TRIB2: variants seen among roughly 807,000 people sequenced by gnomAD.
TRIB2 encodes the protein tribbles homolog 2.
In TRIB2, 2 loss-of-function variants were observed where a neutral mutation model predicts 26.8. The observed-to-expected ratio is 0.07, with a 90% confidence interval of 0.03 to 0.24. The LOEUF (loss-of-function observed/expected upper bound fraction) is 0.24. Among genes scored for constraint, TRIB2 ranks in the 10% least tolerant of loss-of-function variants. The probability of loss-of-function intolerance (pLI) is 1.00; values close to 1 mark genes in which losing one functional copy is unlikely to be tolerated. For missense variants in TRIB2, 306 were observed against 449.0 expected, an observed-to-expected ratio of 0.68 and a Z score of 2.88; for synonymous variants, 189 against 187.3, an observed-to-expected ratio of 1.01 and a Z score of -0.08.
chr2:12,731,846 C>T (rs1168568048), intron 2 of TRIB2, among the ~76,000 whole-genome samples: 5 of 152,090 alleles, frequency 3.3e-5, no homozygotes, highest in Admixed American at 6.5e-5. Context: ...TTCTGGACCC[C>T]GAAGCACTCC....
rs999260642 is a variant in TRIB2, at chr2:12,732,215, A to G, written c.564-8111A>G. 6.6e-6 allele frequency among the ~76,000 whole-genome samples: 1 copy of G among 152,134 alleles called. No individual in the cohort carries two copies. The highest frequency in any genetic ancestry group is 1.9e-4 in the East Asian group (1 of 5,186). ...CAGGCACCATGGATGGGAGTCGGGC[A>G]GGAATGTGCACCTGCATGCGGACAG... On this transcript the variant is annotated intron_variant, in intron 2 of 2. Transcript: ENST00000155926. The surrounding 1 kb of genome is among the most constrained non-coding windows in gnomAD (Gnocchi z 4.2).
At position 12,723,244 on chromosome 2, in the gene TRIB2, G is replaced by A; in HGVS notation, c.271-16G>A. ...AGGCACCTCTGACTTTGGTCTTACT[G>A]TTAATCCTGTCGTAGGTGTTTGATA... On this transcript the variant is annotated splice_polypyrimidine_tract_variant and intron_variant, in intron 1 of 2. Coordinates refer to ENST00000155926, the MANE Select transcript of TRIB2 (RefSeq NM_021643.4). 2.5e-6 allele frequency: 4 copies of A among 1,606,162 alleles called. No homozygotes were observed. The highest frequency in any genetic ancestry group is 1.7e-4 in the Middle Eastern group (1 of 6,032).
intron 2 of TRIB2, among the ~76,000 whole-genome samples, chr2:12,724,390 A>G (rs1304173655): frequency 6.6e-6 from 1 of 152,218 alleles, no homozygotes; most frequent in African/African-American, 2.4e-5. Flanking sequence ...TTTTGATTAC[A>G]AGAACTCCTT....
intron 2 of TRIB2, among the ~76,000 whole-genome samples, chr2:12,737,642 T>G (rs983347587): frequency 7.9e-5 from 12 of 152,254 alleles, no homozygotes; most frequent in Non-Finnish European, 1.8e-4. Flanking sequence ...CAGAAGACTA[T>G]GTATTCTATA....
rs1396538173 is a variant in TRIB2 at position 12,717,075 on chromosome 2, G to A, written c.-1233G>A. 2 of 252,776 alleles carry A rather than the reference G, an allele frequency of 7.9e-6. No homozygotes were observed. The highest frequency in any genetic ancestry group is 7.1e-5 in the East Asian group (1 of 14,088). 15.7% of individuals were successfully genotyped at this position (252,776 alleles called of 1,614,324 possible). A position where few individuals can be genotyped will look rare whatever the true frequency, so the allele number is the denominator to read the frequency against. On this transcript the variant is annotated 5_prime_UTR_variant, in exon 1 of 3. Coordinates refer to ENST00000155926, the MANE Select transcript of TRIB2 (RefSeq NM_021643.4). The surrounding 1 kb of genome is among the most constrained non-coding windows in gnomAD (Gnocchi z 4.8). ...CGTGCTGAGCGCGGGGATTGGCCTC[G>A]GGCACCGTCGGCCGTCCCCTTTAAT... is the stretch of plus-strand genomic sequence containing the variant.
In TRIB2 at chr2:12,742,524, G is replaced by A. The variant is rs1558322283; in HGVS notation, c.*1730G>A. The A allele has an allele frequency of 6.9e-6, 1 of 145,360 alleles. No individual in the cohort carries two copies. The highest frequency in any genetic ancestry group is 2.0e-4 in the East Asian group (1 of 4,962). 9.0% of individuals were successfully genotyped at this position (145,360 alleles called of 1,614,324 possible). On this transcript the variant is annotated 3_prime_UTR_variant, in exon 3 of 3. Transcript: ENST00000155926. ...TAATGGAAGATAGAAAGGAGAGAAG[G>A]TTTTTTTTTTTTTTAACATTCTGAA...
intron 2 of TRIB2, among the ~76,000 whole-genome samples, chr2:12,729,239 C>T (rs1661400228): frequency 6.6e-6 from 1 of 152,166 alleles, no homozygotes; most frequent in South Asian, 2.1e-4. Flanking sequence ...CCCGTGTGTG[C>T]ATCTGTAGAC....
At chr2:12,721,398 G>A (rs1166696758) in intron 1 of TRIB2, among the ~76,000 whole-genome samples, 2 of 152,202 alleles carry the variant, frequency 1.3e-5, no homozygotes, top group Non-Finnish European at 2.9e-5. Context: ...GAGCACTGGC[G>A]ACAGAAGCTG....
At chr2:12,723,074 C>T (rs1451107662) in intron 1 of TRIB2, among the ~76,000 whole-genome samples, 186 bp from the exon 2 acceptor site, 4 of 149,298 alleles carry the variant, frequency 2.7e-5, no homozygotes, top group East Asian at 1.9e-4. Context: ...TTGGAGGCTC[C>T]GAGAGGTTAA....
rs144380528 is a variant in TRIB2, at chr2:12,725,657, C to T, written c.563+2105C>T. ...GTTACGTTTGACTTTCGCGAAAGAG[C>T]ATGACCCTGTCCAGAGATAACCAGA... On this transcript the variant is annotated intron_variant, in intron 2 of 2. Transcript: ENST00000155926. 4.6e-3 allele frequency among the ~76,000 whole-genome samples: 702 copies of T among 152,356 alleles called. 6 individuals are homozygous for T. Among genetic ancestry groups the T allele is most frequent in the African/African-American group, 0.016 (673 of 41,590 alleles).
rs148275615 is a variant in TRIB2, at chr2:12,740,455, G to C, written c.693G>C (p.Ser231=). 4.3e-6 allele frequency: 7 copies of C among 1,613,986 alleles called. No homozygotes were observed. Among genetic ancestry groups the C allele is most frequent in the Middle Eastern group, 3.3e-4 (2 of 6,084 alleles). The change falls in exon 3 of 3, where the codon TCG becomes TCC. Residue 231 remains serine, a synonymous_variant. Coordinates refer to ENST00000155926, the MANE Select transcript of TRIB2 (RefSeq NM_021643.4). The surrounding 1 kb of genome is among the most constrained non-coding windows in gnomAD (Gnocchi z 5.8). ...TCTTGAACACCAGTGGCAGCTACTC[G>C]GGCAAAGCAGCCGACGTGTGGAGCC... ...PEILNTSGSY[S]GKAADVWSLG...
chr2:12,725,551 C>T (rs574454383), intron 2 of TRIB2, among the ~76,000 whole-genome samples: 10 of 152,304 alleles, frequency 6.6e-5, no homozygotes, highest in South Asian at 2.1e-4. Flanking sequence ...TGTCATCACA[C>T]GCCAAAATCC....
intron 2 of TRIB2, among the ~76,000 whole-genome samples, chr2:12,727,052 G>A (rs995081648): frequency 9.2e-5 from 14 of 152,178 alleles, no homozygotes; most frequent in Admixed American, 9.2e-4. Context: ...AGCAAGCCTT[G>A]TGCTGCTGGG....
At chr2:12,727,290 C>G (rs1180059959) in intron 2 of TRIB2, among the ~76,000 whole-genome samples, 3 of 152,026 alleles carry the variant, frequency 2.0e-5, no homozygotes, top group Admixed American at 6.6e-5. Flanking sequence ...CATGAAGGGA[C>G]AGCTGTTCCT....
chr2:12,730,397 C>G (rs1661429014), intron 2 of TRIB2, among the ~76,000 whole-genome samples: 1 of 152,188 alleles, frequency 6.6e-6, no homozygotes, highest in Non-Finnish European at 1.5e-5. Flanking sequence ...AAATAGACAA[C>G]AGGTAAAATA....
chr2:12,739,482 A>ACTCCCGGC (rs1661661938), intron 2 of TRIB2, among the ~76,000 whole-genome samples: 7 of 138,964 alleles, frequency 5.0e-5, no homozygotes, highest in Non-Finnish European at 9.5e-5. Context: ...CTGGTCTTGA[A>ACTCCCGGC]CTCACCCGCC....
chr2:12,738,565 A>G (rs1054668687), intron 2 of TRIB2, among the ~76,000 whole-genome samples: 4 of 152,178 alleles, frequency 2.6e-5, no homozygotes, highest in Admixed American at 2.6e-4. Flanking sequence ...AGGACTACCT[A>G]CAACTCTCTG....
chr2:12,738,523 A>T (rs977588649), intron 2 of TRIB2, among the ~76,000 whole-genome samples: 2 of 152,094 alleles, frequency 1.3e-5, no homozygotes, highest in Non-Finnish European at 2.9e-5. Flanking sequence ...GGGTGTGATG[A>T]TGGGATAGAT....
chr2:12,731,755 C>T (rs1192064807), intron 2 of TRIB2, among the ~76,000 whole-genome samples: 23 of 152,196 alleles, frequency 1.5e-4, no homozygotes, highest in Admixed American at 1.5e-3. Flanking sequence ...TCTGGCCCTG[C>T]GAGTGGGTGC....
Sources: gnomAD v4.1 joint callset for allele counts (sites outside exome capture counted in the v4.1 genomes callset) on GRCh38, gnomAD v4.1.1 for gene constraint, Gnocchi (gnomAD v3.1) non-coding constraint, MANE v1.5 for transcripts, NCBI Gene and HGNC (gene_info 2026-07-23, HGNC 2026-07-21) for gene names.